ATRNL1: variants seen among roughly 807,000 people sequenced by gnomAD.
ATRNL1 encodes attractin-like protein 1.
In ATRNL1, 95 loss-of-function variants were observed where a neutral mutation model predicts 182.7. That is an observed-to-expected ratio of 0.52 (90% CI 0.44 to 0.62). The LOEUF (loss-of-function observed/expected upper bound fraction) is 0.62. Ranked by LOEUF, ATRNL1 falls within the 20% of genes least tolerant of loss-of-function variation. ATRNL1 has a pLI of 0.00. For missense variants in ATRNL1, 1,471 were observed against 1,679.5 expected (o/e 0.88, Z 2.17); for synonymous variants, 576 against 568.3 (o/e 1.01, Z -0.19).
chr10:115,785,759 C>T (rs1949381236), intron 27 of ATRNL1, among the ~76,000 whole-genome samples: 1 of 152,044 alleles, frequency 6.6e-6, no homozygotes, highest in Non-Finnish European at 1.5e-5. Flanking sequence ...ACAGTTTTTG[C>T]CTCAATTTAT....
At chr10:115,276,665 C>A (rs1554914924) in intron 13 of ATRNL1, among the ~76,000 whole-genome samples, 1 of 152,156 alleles carries the variant, frequency 6.6e-6, no homozygotes, top group African/African-American at 2.4e-5. Context: ...ATAGGTCAAA[C>A]AATGTGCTTT....
chr10:115,919,488 A>G (rs1411267274), intron 28 of ATRNL1, among the ~76,000 whole-genome samples: 2 of 152,156 alleles, frequency 1.3e-5, no homozygotes, highest in African/African-American at 4.8e-5. Context: ...TACTAAGTCT[A>G]TCATCAAAAA....
chr10:115,335,845 T>C (rs1855455527), intron 19 of ATRNL1, among the ~76,000 whole-genome samples: 1 of 149,526 alleles, frequency 6.7e-6, no homozygotes, highest in Admixed American at 6.8e-5. Context: ...GGGGATTTTT[T>C]CTGAATATTT....
At chr10:115,149,371 G>GA (rs1554880092) in intron 5 of ATRNL1, among the ~76,000 whole-genome samples, 1 of 150,686 alleles carries the variant, frequency 6.6e-6, no homozygotes, top group Admixed American at 6.6e-5. Flanking sequence ...TTTTGGGGCT[G>GA]TTTTTTTTTA....
Position 115,541,700 on chromosome 10 carries a change from C to T in ATRNL1, c.3717-7758C>T, listed in dbSNP as rs1229936814. 4.6e-5 allele frequency among the ~76,000 whole-genome samples: 7 copies of T among 151,804 alleles called. No individual in the cohort carries two copies. The East Asian group carries it at 7.7e-4, about 17-fold the overall frequency. ...TGCCAAAGGATCAAAATAGGTAACA[C>T]GAACATAGTGTTGAATGATAGAGAC... On this transcript the variant is annotated intron_variant, in intron 25 of 28. Transcript: ENST00000355044.
intron 26 of ATRNL1, among the ~76,000 whole-genome samples, chr10:115,584,900 C>T (rs1208757667): frequency 2.7e-5 from 4 of 150,006 alleles, no homozygotes; most frequent in Non-Finnish European, 5.9e-5. Context: ...CTATAAATTT[C>T]CCTCTACACA....
chr10:115,861,303 G>A (rs1951310720), intron 28 of ATRNL1, among the ~76,000 whole-genome samples: 1 of 152,162 alleles, frequency 6.6e-6, no homozygotes, highest in East Asian at 1.9e-4. Flanking sequence ...GGCGAGCTAA[G>A]GGCAGGGATG....
intron 27 of ATRNL1, among the ~76,000 whole-genome samples, chr10:115,827,450 T>A (rs914434830): frequency 6.6e-6 from 1 of 152,214 alleles, no homozygotes; most frequent in Non-Finnish European, 1.5e-5. Flanking sequence ...TGGCAGGACG[T>A]AAGGTGTCTC....
chr10:115,447,749 TTTC>T (rs1282900836), intron 21 of ATRNL1, among the ~76,000 whole-genome samples: 1 of 151,882 alleles, frequency 6.6e-6, no homozygotes, highest in East Asian at 1.9e-4. Flanking sequence ...TCCTTACACA[TTTC>T]TACTTGAACT....
chr10:115,503,199 G>T (rs567253495), intron 24 of ATRNL1, among the ~76,000 whole-genome samples: 2 of 152,060 alleles, frequency 1.3e-5, no homozygotes, highest in East Asian at 3.9e-4. Context: ...ATTAATTTTA[G>T]TTATTTTCCT....
intron 20 of ATRNL1, among the ~76,000 whole-genome samples, chr10:115,409,807 C>CT (rs1281254233): frequency 6.6e-6 from 1 of 152,068 alleles, no homozygotes; most frequent in African/African-American, 2.4e-5. Flanking sequence ...AAATCCTGAA[C>CT]AAAACAAAAG....
At chr10:115,566,805 T>C (rs1854101063) in intron 26 of ATRNL1, among the ~76,000 whole-genome samples, 2 of 152,166 alleles carry the variant, frequency 1.3e-5, no homozygotes, top group African/African-American at 4.8e-5. Context: ...TACACATTAA[T>C]GTTTGCAAGA....
intron 18 of ATRNL1, among the ~76,000 whole-genome samples, chr10:115,323,627 A>G (rs1564914040): frequency 6.6e-6 from 1 of 151,680 alleles, no homozygotes; most frequent in Non-Finnish European, 1.5e-5. Flanking sequence ...TATTTTTAGT[A>G]GAGACAGAGT....
intron 21 of ATRNL1, among the ~76,000 whole-genome samples, chr10:115,449,467 T>C (rs1847177951): frequency 6.6e-6 from 1 of 152,192 alleles, no homozygotes; most frequent in Non-Finnish European, 1.5e-5. Context: ...GCAACCTGAT[T>C]CTTCCTGGAT....
intron 25 of ATRNL1, among the ~76,000 whole-genome samples, chr10:115,541,706 T>C (rs1852369418): frequency 6.6e-6 from 1 of 152,050 alleles, no homozygotes; most frequent in Non-Finnish European, 1.5e-5. Flanking sequence ...AACACGAACA[T>C]AGTGTTGAAT....
At chr10:115,257,685 G>T (rs1592335651) in intron 10 of ATRNL1, among the ~76,000 whole-genome samples, 1 of 152,182 alleles carries the variant, frequency 6.6e-6, no homozygotes, top group East Asian at 1.9e-4. Flanking sequence ...GTTAATTGAT[G>T]CAGTTTCTTT....
chr10:115,494,331 T>A (rs1296111003), intron 24 of ATRNL1, among the ~76,000 whole-genome samples: 1 of 152,170 alleles, frequency 6.6e-6, no homozygotes, highest in Non-Finnish European at 1.5e-5. Flanking sequence ...TTCATTCCTT[T>A]CTCTTGCCTG....
At chr10:115,867,232 CTG>C (rs1173445722) in intron 28 of ATRNL1, among the ~76,000 whole-genome samples, 2 of 152,046 alleles carry the variant, frequency 1.3e-5, no homozygotes, top group African/African-American at 2.4e-5. Context: ...AAAATATTAA[CTG>C]TTTTATACAA....
chr10:115,924,197 T>C (rs1457074814), intron 28 of ATRNL1, among the ~76,000 whole-genome samples: 11 of 152,220 alleles, frequency 7.2e-5, no homozygotes, highest in Non-Finnish European at 2.9e-5. Context: ...ATTCTGTAGG[T>C]TGACTGTTCA....
Sources: gnomAD v4.1 joint callset for allele counts (sites outside exome capture counted in the v4.1 genomes callset) on GRCh38, gnomAD v4.1.1 for gene constraint, MANE v1.5 for transcripts, NCBI Gene and HGNC (gene_info 2026-07-23, HGNC 2026-07-21) for gene names.